Variants in EXOC4 observed in about 807,000 individuals in gnomAD.
The protein encoded by EXOC4 is exocyst complex component 4, also known as SEC8-like 1.
EXOC4 carries 71 observed loss-of-function variants against 107.2 expected under a neutral mutation model. That is an observed-to-expected ratio of 0.66 (90% CI 0.55 to 0.81). The LOEUF (loss-of-function observed/expected upper bound fraction) is 0.81, where lower values mean the gene tolerates loss of function less well. Among genes scored for constraint, EXOC4 ranks in the 30% least tolerant of loss-of-function variants. The probability of loss-of-function intolerance (pLI) is 0.00; values close to 1 mark genes in which losing one functional copy is unlikely to be tolerated. For missense variants in EXOC4, 1,108 were observed against 1,189.6 expected (o/e 0.93, Z 1.01); for synonymous variants, 456 against 441.2 (o/e 1.03, Z -0.42).
chr7:133,856,236 A>G (rs1235033694), intron 11 of EXOC4, among the ~76,000 whole-genome samples: 1 of 152,222 alleles, frequency 6.6e-6, no homozygotes, highest in Non-Finnish European at 1.5e-5. Context: ...TACAGCACCT[A>G]TATGGGAATT....
At chr7:134,089,915 C>G in the EXOC4 span, among the ~76,000 whole-genome samples, 1 of 152,008 alleles carries the variant, frequency 6.6e-6, no homozygotes, top group African/African-American at 2.4e-5. Context: ...TTTTAAAAGT[C>G]AAAGAAGCAG....
At chr7:133,415,615 A>G (rs1008465935) in intron 7 of EXOC4, among the ~76,000 whole-genome samples, 1 of 152,198 alleles carries the variant, frequency 6.6e-6, no homozygotes, top group African/African-American at 2.4e-5. Context: ...CACATGTATG[A>G]TCAAAGTATA....
Position 134,053,877 on chromosome 7 carries a change from T to A in EXOC4, c.2688-10414T>A, listed in dbSNP as rs189943948. ...ATAAAGCAAAAGAAGAACTATGAAGTACAACAAAGACAAATTAATGTCACT... is the reference window on the plus strand; with the variant it reads ...ATAAAGCAAAAGAAGAACTATGAAGAACAACAAAGACAAATTAATGTCACT... On this transcript the variant is annotated intron_variant, in intron 17 of 17. Transcript: ENST00000253861. Among the ~76,000 whole-genome samples, 5 of 152,272 alleles carry A rather than the reference T, an allele frequency of 3.3e-5. No homozygotes were observed. The East Asian group carries it at 9.6e-4, about 29-fold the overall frequency.
Position 133,703,855 on chromosome 7 carries a change from G to A in EXOC4, c.1514+73714G>A, listed in dbSNP as rs143753308. Among the ~76,000 whole-genome samples, 302 of 152,286 alleles carry A rather than the reference G, an allele frequency of 2.0e-3. 2 individuals are homozygous for A. The highest frequency in any genetic ancestry group is 7.0e-3 in the African/African-American group (291 of 41,572). On this transcript the variant is annotated intron_variant, in intron 10 of 17. Coordinates refer to ENST00000253861, the MANE Select transcript of EXOC4 (RefSeq NM_021807.4). ...GTTCTGGCATCAGATTTCCATCAGC[G>A]ATGACCTTGGCAAATTCATCAGTGA...
intron 5 of EXOC4, among the ~76,000 whole-genome samples, chr7:133,336,785 G>A (rs1160038557): frequency 6.6e-6 from 1 of 151,134 alleles, no homozygotes; most frequent in Non-Finnish European, 1.5e-5. Context: ...CCAGGCTGGA[G>A]TGCAGTGGCA....
rs375823952 is a variant in EXOC4 at position 134,048,862 on chromosome 7, T to C, written c.2688-15429T>C. On this transcript the variant is annotated intron_variant, in intron 17 of 17. Transcript: ENST00000253861. ...AACCTTCTAGAAGATTGGCGTGGTC[T>C]GGTACTAGAAAAAAAAAATAGCCAA... Among the ~76,000 whole-genome samples the C allele has an allele frequency of 1.8e-4, 28 of 152,208 alleles. 1 individual carries two copies. The East Asian group carries it at 5.2e-3, about 28-fold the overall frequency.
chr7:134,046,308 C>A (rs1368372944), intron 17 of EXOC4, among the ~76,000 whole-genome samples: 1 of 151,986 alleles, frequency 6.6e-6, no homozygotes, highest in African/African-American at 2.4e-5. Context: ...ATGGTGAAAC[C>A]CCGTCTCTAA....
At chr7:133,752,015 T>TAAATA (rs1446670388) in intron 10 of EXOC4, among the ~76,000 whole-genome samples, 18,063 of 105,540 alleles carry the variant, frequency 0.17, 1,489 homozygotes, top group Non-Finnish European at 0.25. Flanking sequence ...ATAAATAAAT[T>TAAATA]ATCTGGGCAC....
intron 11 of EXOC4, among the ~76,000 whole-genome samples, chr7:133,847,027 A>G (rs1238715751): frequency 6.6e-6 from 1 of 152,218 alleles, no homozygotes; most frequent in African/African-American, 2.4e-5. Context: ...AAAAATTTTT[A>G]TTTAACACAT....
chr7:133,562,370 G>C (rs1478979838), intron 9 of EXOC4, among the ~76,000 whole-genome samples: 1 of 152,106 alleles, frequency 6.6e-6, no homozygotes, highest in Non-Finnish European at 1.5e-5. Context: ...GTGTTGCTCT[G>C]GTTCCTGGTT....
At chr7:133,481,902 G>C (rs1317265290) in intron 9 of EXOC4, among the ~76,000 whole-genome samples, 4 of 152,164 alleles carry the variant, frequency 2.6e-5, no homozygotes, top group African/African-American at 7.2e-5. Flanking sequence ...AAGAGGCTAG[G>C]CTGCCAAGAG....
At chr7:133,688,056 A>G (rs965784098) in intron 10 of EXOC4, among the ~76,000 whole-genome samples, 2 of 152,182 alleles carry the variant, frequency 1.3e-5, no homozygotes, top group African/African-American at 4.8e-5. Context: ...TTAGGGAACC[A>G]TTTAGCATCA....
chr7:133,847,537 A>ATTTTTTTTTTT (rs34297470), intron 11 of EXOC4, among the ~76,000 whole-genome samples: 2 of 127,184 alleles, frequency 1.6e-5, no homozygotes, highest in Non-Finnish European at 1.6e-5. Context: ...TACACCAGCT[A>ATTTTTTTTTTT]TTTTTTTTTT....
chr7:133,954,329 A>G (rs1023365271), intron 14 of EXOC4, among the ~76,000 whole-genome samples: 1 of 152,264 alleles, frequency 6.6e-6, no homozygotes, highest in Non-Finnish European at 1.5e-5. Context: ...ATCTACAATT[A>G]TTAACATGAA....
At chr7:133,262,153 G>A (rs1795168454) in intron 1 of EXOC4, among the ~76,000 whole-genome samples, 1 of 152,122 alleles carries the variant, frequency 6.6e-6, no homozygotes, top group South Asian at 2.1e-4. Flanking sequence ...ATCTCTAAAA[G>A]TACTATTTTG....
chr7:133,354,064 A>C lies in EXOC4; in HGVS notation c.764-2266A>C, dbSNP rs1447347653. On this transcript the variant is annotated intron_variant, in intron 5 of 17. Transcript: ENST00000253861. The stretch of plus-strand genomic sequence containing the variant: ...ATTTTTTGTTATTTGAGCATCTTTA[A>C]AACAGTTAAAACTTTAAAAAAAACT... 6.6e-5 allele frequency among the ~76,000 whole-genome samples: 10 copies of C among 152,008 alleles called. 1 individual carries two copies. In the East Asian group the frequency reaches 1.3e-3, roughly 21 times the overall value.
chr7:133,575,720 C>A (rs1441763584), intron 9 of EXOC4, among the ~76,000 whole-genome samples: 1 of 152,192 alleles, frequency 6.6e-6, no homozygotes, highest in Non-Finnish European at 1.5e-5. Context: ...TCCCTGGCTT[C>A]CCTGATGCCC....
At chr7:133,669,673 A>G (rs1476621995) in intron 10 of EXOC4, among the ~76,000 whole-genome samples, 1 of 152,226 alleles carries the variant, frequency 6.6e-6, no homozygotes, top group Non-Finnish European at 1.5e-5. Context: ...AGAAATTTAT[A>G]GTGAAATGCA....
chr7:133,882,138 TTA>T (rs1196035248), intron 11 of EXOC4, among the ~76,000 whole-genome samples: 1 of 152,248 alleles, frequency 6.6e-6, no homozygotes, highest in Admixed American at 6.5e-5. Context: ...TCATTCGGCA[TTA>T]TGTCTGTGAT....
Sources: gnomAD v4.1 joint callset for allele counts (sites outside exome capture counted in the v4.1 genomes callset) on GRCh38, gnomAD v4.1.1 for gene constraint, MANE v1.5 for transcripts, NCBI Gene and HGNC (gene_info 2026-07-23, HGNC 2026-07-21) for gene names.